Variants in GRID1 observed in about 807,000 individuals in gnomAD.
GRID1 encodes glutamate ionotropic receptor delta type subunit 1.
GRID1 carries 28 observed loss-of-function variants against 98.0 expected under a neutral mutation model. That is an observed-to-expected ratio of 0.29 (90% CI 0.21 to 0.39). The LOEUF is 0.39. Ranked by LOEUF, GRID1 falls within the 10% of genes least tolerant of loss-of-function variation. The pLI is 1.00. For synonymous variants in GRID1, 553 were observed against 538.5 expected (o/e 1.03, Z -0.37); for missense variants, 1,111 against 1,340.5 (o/e 0.83, Z 2.67).
At chr10:86,335,590 A>G (rs538262169) in intron 2 of GRID1, among the ~76,000 whole-genome samples, 1 of 152,284 alleles carries the variant, frequency 6.6e-6, no homozygotes, top group East Asian at 1.9e-4. Flanking sequence ...ATACTGCTCT[A>G]TTCTTCCCCA....
chr10:86,331,799 C>G (rs564213259), intron 2 of GRID1, among the ~76,000 whole-genome samples: 2 of 152,320 alleles, frequency 1.3e-5, no homozygotes, highest in East Asian at 3.9e-4. Context: ...CTGCTAGTAA[C>G]TGGTCTGGCA....
intron 5 of GRID1, among the ~76,000 whole-genome samples, chr10:85,914,615 C>T (rs1589297080): frequency 6.6e-6 from 1 of 152,140 alleles, no homozygotes; most frequent in African/African-American, 2.4e-5. Flanking sequence ...GATGTGAATT[C>T]ATGGAGGAAA....
intron 4 of GRID1, among the ~76,000 whole-genome samples, chr10:85,959,469 G>C (rs891344159): frequency 2.6e-5 from 4 of 152,220 alleles, no homozygotes; most frequent in African/African-American, 9.6e-5. Flanking sequence ...CCCACCTGCT[G>C]ATCCTGATGG....
chr10:85,825,714 G>C (rs984348349), intron 8 of GRID1, among the ~76,000 whole-genome samples: 1 of 151,842 alleles, frequency 6.6e-6, no homozygotes, highest in African/African-American at 2.4e-5. Context: ...TTTTTTAAAT[G>C]GTCAATCAAA....
chr10:85,814,871 A>T (rs1378759836), intron 8 of GRID1, among the ~76,000 whole-genome samples: 1 of 151,962 alleles, frequency 6.6e-6, no homozygotes, highest in Non-Finnish European at 1.5e-5. Flanking sequence ...CTTCTAGAAA[A>T]CAGAAGAGGA....
chr10:86,035,671 GGGCTA>G (rs1843250775), intron 4 of GRID1, among the ~76,000 whole-genome samples: 3 of 152,152 alleles, frequency 2.0e-5, no homozygotes, highest in Non-Finnish European at 4.4e-5. Context: ...GCCAGGCCCT[GGGCTA>G]GGCACTAGGT....
At chr10:85,963,673 TCA>T (rs2131850587) in intron 4 of GRID1, among the ~76,000 whole-genome samples, 1 of 152,334 alleles carries the variant, frequency 6.6e-6, no homozygotes, top group East Asian at 1.9e-4. Context: ...ATTCTCCTGG[TCA>T]CACCTTGCCT....
At position 85,820,051 on chromosome 10, in the gene GRID1, C is replaced by A. The variant is rs182772030; in HGVS notation, c.1233+34445G>T. On this transcript the variant is annotated intron_variant, in intron 8 of 15. Coordinates refer to ENST00000327946, the MANE Select transcript of GRID1 (RefSeq NM_017551.3). ...GAAGGCAGGCAGGCAGGCAGGCAGGCAGGCAGGCAGGCAGGCAGGAAGGCA... is the reference window on the plus strand; with the variant it reads ...GAAGGCAGGCAGGCAGGCAGGCAGGAAGGCAGGCAGGCAGGCAGGAAGGCA... Among the ~76,000 whole-genome samples the A allele has an allele frequency of 4.0e-3, 396 of 97,784 alleles. 1 individual carries two copies. Among genetic ancestry groups the A allele is most frequent in the East Asian group, 0.024 (66 of 2,806 alleles). 64.2% of individuals were successfully genotyped at this position (97,784 alleles called of 152,430 possible). A position where few individuals can be genotyped will look rare whatever the true frequency, so the allele number is the denominator to read the frequency against.
chr10:86,256,030 A>G lies in GRID1; in HGVS notation c.236-49382T>C, dbSNP rs78711796. Among the ~76,000 whole-genome samples the G allele has an allele frequency of 3.1e-3, 473 of 152,322 alleles. 1 individual carries two copies. The highest frequency in any genetic ancestry group is 0.01 in the African/African-American group (427 of 41,580). ...CCTTGCCTTTCCTTAAAATACAGGC[A>G]TGAAACAGAAATCTTCCAGCTCAGC... On this transcript the variant is annotated intron_variant, in intron 2 of 15. Transcript: ENST00000327946.
At chr10:85,845,215 C>A (rs1842995115) in intron 8 of GRID1, among the ~76,000 whole-genome samples, 1 of 151,920 alleles carries the variant, frequency 6.6e-6, no homozygotes, top group African/African-American at 2.4e-5. Context: ...CTAGCAAATA[C>A]AGTTAGTTCA....
intron 4 of GRID1, among the ~76,000 whole-genome samples, chr10:86,127,911 G>C (rs61857782): frequency 0.1 from 15,435 of 152,150 alleles, 1,105 homozygotes; most frequent in African/African-American, 0.2. Flanking sequence ...ACGATTTGCA[G>C]AGCACCACCC....
chr10:86,185,280 G>A (rs943146067), intron 3 of GRID1, among the ~76,000 whole-genome samples: 1 of 151,882 alleles, frequency 6.6e-6, no homozygotes, highest in African/African-American at 2.4e-5. Flanking sequence ...GATTTCAATT[G>A]TTCATTGCTA....
At chr10:85,941,420 G>A (rs1235012326) in intron 4 of GRID1, among the ~76,000 whole-genome samples, 1 of 152,186 alleles carries the variant, frequency 6.6e-6, no homozygotes, top group Non-Finnish European at 1.5e-5. Flanking sequence ...ATATCTATAT[G>A]CTGTGAACAT....
chr10:85,955,957 C>T (rs939206592), intron 4 of GRID1, among the ~76,000 whole-genome samples: 4 of 152,130 alleles, frequency 2.6e-5, no homozygotes, highest in African/African-American at 7.2e-5. Context: ...TAGGATGTGA[C>T]ATTCACAGTA....
At chr10:85,705,863 CAT>C (rs1235817763) in intron 12 of GRID1, among the ~76,000 whole-genome samples, 1 of 152,202 alleles carries the variant, frequency 6.6e-6, no homozygotes, top group Non-Finnish European at 1.5e-5. Flanking sequence ...ACAAAAACCA[CAT>C]GATTATCCCA....
intron 2 of GRID1, among the ~76,000 whole-genome samples, chr10:86,333,552 G>A (rs1389135526): frequency 6.6e-6 from 1 of 152,150 alleles, no homozygotes; most frequent in African/African-American, 2.4e-5. Context: ...GAGAGGTTGG[G>A]GCGCTGACCC....
intron 12 of GRID1, among the ~76,000 whole-genome samples, chr10:85,653,802 G>A (rs1032732879): frequency 3.3e-5 from 5 of 152,108 alleles, no homozygotes; most frequent in Admixed American, 2.0e-4. Context: ...GCCCCCGTCC[G>A]TGTGATGCGC....
chr10:85,605,163 A>G (rs1021786848), intron 15 of GRID1, among the ~76,000 whole-genome samples: 1 of 152,226 alleles, frequency 6.6e-6, no homozygotes, highest in Non-Finnish European at 1.5e-5. Flanking sequence ...CATCTCTAGC[A>G]TTCTTGGGGC....
intron 2 of GRID1, among the ~76,000 whole-genome samples, chr10:86,304,220 G>A (rs755222024): frequency 1.3e-5 from 2 of 152,208 alleles, no homozygotes; most frequent in Admixed American, 1.3e-4. Context: ...GGCTCACTGT[G>A]TGATGTCTCC....
Sources: allele counts gnomAD v4.1 joint callset (sites outside exome capture counted in the v4.1 genomes callset), GRCh38; gene constraint gnomAD v4.1.1; transcripts MANE v1.5; gene names NCBI Gene and HGNC (gene_info 2026-07-23, HGNC 2026-07-21).